The following GALNT17 variants were observed in gnomAD, a reference collection of about 807,000 sequenced individuals.
The protein encoded by GALNT17 is polypeptide N-acetylgalactosaminyltransferase 17.
In GALNT17, 29 loss-of-function variants were observed where a neutral mutation model predicts 63.7. The observed-to-expected ratio is 0.46, with a 90% confidence interval of 0.34 to 0.62. The LOEUF (loss-of-function observed/expected upper bound fraction) is 0.62. Among genes scored for constraint, GALNT17 ranks in the 20% least tolerant of loss-of-function variants. The pLI is 0.01. For missense variants in GALNT17, 603 were observed against 799.6 expected, an observed-to-expected ratio of 0.75 and a Z score of 2.97; for synonymous variants, 305 against 318.3, an observed-to-expected ratio of 0.96 and a Z score of 0.45.
intron 1 of GALNT17, among the ~76,000 whole-genome samples, chr7:71,308,816 T>C (rs547242666): frequency 6.6e-6 from 1 of 150,942 alleles, no homozygotes; most frequent in East Asian, 2.0e-4. Flanking sequence ...CGATCTCAGC[T>C]CACTGCAACC....
At position 71,372,082 on chromosome 7, in the gene GALNT17, G is replaced by C. The variant is rs193001904; in HGVS notation, c.423-16153G>C. ...TGCCATCTTGAACTTGTAGGCTCAA[G>C]TGATCTTCCCGCGGCAGCTTCCTGA... On this transcript the variant is annotated intron_variant, in intron 2 of 10. Transcript: ENST00000333538. Among the ~76,000 whole-genome samples, 14 of 152,350 alleles carry C rather than the reference G, an allele frequency of 9.2e-5. No homozygotes were observed. In the East Asian group the frequency reaches 2.7e-3, roughly 29 times the overall value.
At chr7:71,251,458 G>T (rs1348377477) in intron 1 of GALNT17, among the ~76,000 whole-genome samples, 1 of 152,132 alleles carries the variant, frequency 6.6e-6, no homozygotes, top group Non-Finnish European at 1.5e-5. Context: ...TGCCCAGGCT[G>T]GAGTGCAGTG....
chr7:71,666,624 A>T (rs1257070732), intron 7 of GALNT17, among the ~76,000 whole-genome samples: 1 of 151,954 alleles, frequency 6.6e-6, no homozygotes, highest in Non-Finnish European at 1.5e-5. Flanking sequence ...CTCATAGCTT[A>T]GCTCCCACAT....
At chr7:71,384,409 G>A (rs1251463143) in intron 2 of GALNT17, among the ~76,000 whole-genome samples, 1 of 152,112 alleles carries the variant, frequency 6.6e-6, no homozygotes, top group Non-Finnish European at 1.5e-5. Context: ...GTTCTCAAGG[G>A]TTTTCTCATT....
intron 1 of GALNT17, among the ~76,000 whole-genome samples, chr7:71,241,283 CCCTGGGGATAAACATCAA>C (rs1199810177): frequency 2.6e-5 from 4 of 152,118 alleles, no homozygotes; most frequent in Non-Finnish European, 5.9e-5. Context: ...TAAGTAAGCT[CCCTGGGGATAAACATCAA>C]CTTCTGTTGT....
At chr7:71,422,049 A>G (rs986634653) in intron 5 of GALNT17, among the ~76,000 whole-genome samples, 2 of 152,134 alleles carry the variant, frequency 1.3e-5, no homozygotes, top group South Asian at 4.1e-4. Context: ...TATGAAAATA[A>G]TGACTTGAAA....
chr7:71,144,376 G>A (rs1416792907), intron 1 of GALNT17, among the ~76,000 whole-genome samples: 2 of 152,134 alleles, frequency 1.3e-5, no homozygotes, highest in Non-Finnish European at 2.9e-5. Flanking sequence ...TCAGGTCTTA[G>A]CTGGGCCCTC....
At chr7:71,246,770 A>C (rs891809418) in intron 1 of GALNT17, among the ~76,000 whole-genome samples, 3 of 151,888 alleles carry the variant, frequency 2.0e-5, no homozygotes, top group African/African-American at 7.3e-5. Context: ...CAGAGCTTGC[A>C]GTGAGCTGAG....
chr7:71,470,680 G>A (rs986582692), intron 5 of GALNT17, among the ~76,000 whole-genome samples: 3 of 152,092 alleles, frequency 2.0e-5, no homozygotes, highest in African/African-American at 7.2e-5. Context: ...ACACCCAGGG[G>A]ACCCTCAAGT....
At chr7:71,236,990 A>G (rs1050852128) in intron 1 of GALNT17, among the ~76,000 whole-genome samples, 2 of 152,178 alleles carry the variant, frequency 1.3e-5, no homozygotes, top group Non-Finnish European at 2.9e-5. Context: ...CCCTGGCAAA[A>G]TCTCATGCAT....
chr7:71,596,554 G>A (rs1365131566), intron 6 of GALNT17, among the ~76,000 whole-genome samples: 2 of 152,026 alleles, frequency 1.3e-5, no homozygotes, highest in African/African-American at 4.8e-5. Flanking sequence ...GGGAAGAAGG[G>A]GAGTGTGGAG....
At chr7:71,478,813 A>G (rs1223225357) in intron 5 of GALNT17, among the ~76,000 whole-genome samples, 1 of 152,210 alleles carries the variant, frequency 6.6e-6, no homozygotes, top group Non-Finnish European at 1.5e-5. Context: ...AGAAGGAGAG[A>G]CATTTAACTT....
At chr7:71,524,674 T>C (rs941476167) in intron 5 of GALNT17, among the ~76,000 whole-genome samples, 1 of 152,238 alleles carries the variant, frequency 6.6e-6, no homozygotes, top group Non-Finnish European at 1.5e-5. Flanking sequence ...GTGGTGAGAA[T>C]GACTTACTGT....
intron 1 of GALNT17, among the ~76,000 whole-genome samples, chr7:71,182,884 T>C (rs1788758942): frequency 6.6e-6 from 1 of 152,216 alleles, no homozygotes; most frequent in South Asian, 2.1e-4. Flanking sequence ...GGCTGCTGTT[T>C]GGACTCAAAA....
intron 6 of GALNT17, among the ~76,000 whole-genome samples, chr7:71,632,768 T>G (rs1377676350): frequency 6.6e-6 from 1 of 152,088 alleles, no homozygotes; most frequent in Non-Finnish European, 1.5e-5. Context: ...TCACCGTGGA[T>G]TTTCTGCATG....
intron 1 of GALNT17, among the ~76,000 whole-genome samples, chr7:71,281,694 G>A (rs1430802981): frequency 1.3e-5 from 2 of 152,114 alleles, no homozygotes; most frequent in East Asian, 1.9e-4. Flanking sequence ...CAGTAGCAAC[G>A]TGCCCCTGTT....
intron 4 of GALNT17, among the ~76,000 whole-genome samples, chr7:71,420,502 G>A (rs1786642287): frequency 6.6e-6 from 1 of 152,182 alleles, no homozygotes; most frequent in South Asian, 2.1e-4. Context: ...ACAAGCGGTG[G>A]CAGTCAGTGC....
chr7:71,476,827 A>G (rs1787730593), intron 5 of GALNT17, among the ~76,000 whole-genome samples: 1 of 152,164 alleles, frequency 6.6e-6, no homozygotes, highest in African/African-American at 2.4e-5. Flanking sequence ...TTAGGGTGAG[A>G]ATTCCAGACT....
chr7:71,239,757 G>A (rs137854977), intron 1 of GALNT17, among the ~76,000 whole-genome samples: 2 of 152,338 alleles, frequency 1.3e-5, no homozygotes, highest in East Asian at 1.9e-4. Context: ...GACATGTGAC[G>A]AGGCTCTGGA....
Sources: allele counts gnomAD v4.1 joint callset (sites outside exome capture counted in the v4.1 genomes callset), GRCh38; gene constraint gnomAD v4.1.1; transcripts MANE v1.5; gene names NCBI Gene and HGNC (gene_info 2026-07-23, HGNC 2026-07-21).